The following STON2 variants were observed in gnomAD, a reference collection of about 807,000 sequenced individuals.
STON2 encodes the protein stonin 2, also known as stonin-2.
In STON2, 29 loss-of-function variants were observed where a neutral mutation model predicts 65.7. That is an observed-to-expected ratio of 0.44 (90% CI 0.33 to 0.60). The LOEUF (loss-of-function observed/expected upper bound fraction) is 0.60, where lower values mean the gene tolerates loss of function less well. Ranked by LOEUF, STON2 falls within the 20% of genes least tolerant of loss-of-function variation. The pLI is 0.03. For synonymous variants in STON2, 404 were observed against 414.2 expected (o/e 0.98, Z 0.30); for missense variants, 1,054 against 1,118.1 (o/e 0.94, Z 0.82).
rs968996397 is a variant in STON2 at position 81,261,751 on chromosome 14, A to G, written c.*6663T>C. 21 of 1,486,010 alleles carry G rather than the reference A, an allele frequency of 1.4e-5. No individual in the cohort carries two copies. Among genetic ancestry groups the G allele is most frequent in the Admixed American group, 2.5e-5 (1 of 39,758 alleles). The allele number at this position is 1,486,010 out of a possible 1,614,324, so 92.1% of individuals were successfully genotyped here. ...AGGTAGCACCCAAATCCTAACATCTATTTTGGAGACCTGTCTGTGCCTCTT... is the reference window on the plus strand; with the variant it reads ...AGGTAGCACCCAAATCCTAACATCTGTTTTGGAGACCTGTCTGTGCCTCTT... On this transcript the variant is annotated 3_prime_UTR_variant, in exon 8 of 8. Coordinates refer to ENST00000614646, the MANE Select transcript of STON2 (RefSeq NM_001394390.1).
At chr14:81,292,628 G>C (rs1374885304) in intron 5 of STON2, among the ~76,000 whole-genome samples, 1 of 152,122 alleles carries the variant, frequency 6.6e-6, no homozygotes. Flanking sequence ...CATCATGTTT[G>C]TAAGTTTCCT....
At chr14:81,356,735 G>C (rs879631829) in intron 4 of STON2, among the ~76,000 whole-genome samples, 3 of 152,018 alleles carry the variant, frequency 2.0e-5, no homozygotes, top group Non-Finnish European at 2.9e-5. Context: ...GTTTAGTCTT[G>C]GGAGAGTGTA....
chr14:81,402,723 C>T (rs974939859), upstream of STON2, among the ~76,000 whole-genome samples: 2 of 152,132 alleles, frequency 1.3e-5, no homozygotes, highest in Non-Finnish European at 2.9e-5. Context: ...AATCCCACTG[C>T]CAATGCCTTG....
chr14:81,340,304 CAG>C (rs759672113), intron 4 of STON2, among the ~76,000 whole-genome samples: 1 of 151,980 alleles, frequency 6.6e-6, no homozygotes. Flanking sequence ...GGGTGGGGGA[CAG>C]AGAGAGAGGA....
chr14:81,278,329 T>C lies in STON2; in HGVS notation c.1153A>G (p.Ile385Val), dbSNP rs766526502. 98 of 1,614,152 alleles carry C rather than the reference T, an allele frequency of 6.1e-5. 1 individual carries two copies. The East Asian group carries it at 2.0e-3, about 32-fold the overall frequency. Residue 385 changes from isoleucine to valine, a missense_variant, in exon 6 of 8, where the codon ATC becomes GTC. Ile to Val is a conservative substitution (Grantham distance 29). Coordinates refer to ENST00000614646, the MANE Select transcript of STON2 (RefSeq NM_001394390.1). ...ETLQDVQPSPINPFSAFFEEQ... is the reference protein window; with the variant it reads ...ETLQDVQPSPVNPFSAFFEEQ... Reference sequence around the variant, plus strand: ...TCAAAGAAAGCACTGAAAGGGTTGATAGGGGAGGGCTGTACATCCTGCAGA... The same window carrying C: ...TCAAAGAAAGCACTGAAAGGGTTGACAGGGGAGGGCTGTACATCCTGCAGA...
intron 4 of STON2, among the ~76,000 whole-genome samples, chr14:81,353,892 A>G (rs1281068225): frequency 6.6e-6 from 1 of 152,208 alleles, no homozygotes; most frequent in Non-Finnish European, 1.5e-5. Flanking sequence ...AGCTAACAGC[A>G]TAGCCCACGG....
In STON2 at chr14:81,267,271, T is replaced by C; in HGVS notation, c.*1143A>G. ...TCTGACTCTTGGAATCAGAATATAA[T>C]GTTCCCAACATTAGAAAAATATGGC... On this transcript the variant is annotated 3_prime_UTR_variant, in exon 8 of 8. Transcript: ENST00000614646. 2 of 985,408 alleles carry C rather than the reference T, an allele frequency of 2.0e-6. No homozygotes were observed. Among genetic ancestry groups the C allele is most frequent in the Non-Finnish European group, 2.4e-6 (2 of 829,928 alleles). The allele number at this position is 985,408 out of a possible 1,614,324, so 61.0% of individuals were successfully genotyped here.
At chr14:81,357,655 T>C (rs1165716351) in intron 4 of STON2, among the ~76,000 whole-genome samples, 2 of 152,076 alleles carry the variant, frequency 1.3e-5, no homozygotes, top group Non-Finnish European at 2.9e-5. Flanking sequence ...CCAACAGTGA[T>C]AGACTGGATT....
chr14:81,309,069 T>C (rs961020540), intron 5 of STON2, among the ~76,000 whole-genome samples: 2 of 127,858 alleles, frequency 1.6e-5, no homozygotes, highest in African/African-American at 6.0e-5. Context: ...AGAATGGAAA[T>C]AGGTTGTCAA....
chr14:81,357,906 GA>G (rs1028389922), intron 4 of STON2, among the ~76,000 whole-genome samples: 1 of 110,006 alleles, frequency 9.1e-6, no homozygotes, highest in Non-Finnish European at 1.8e-5. Context: ...GGGGAGGGGG[GA>G]GGGATAGCAT....
rs1198963793 is a variant in STON2, at chr14:81,263,996, T to C, written c.*4418A>G. ...ATAAATGCAAAGTAACGGTCAGCGG[T>C]TAGTGCTGGAAGAACAAAGACCTAC... On this transcript the variant is annotated 3_prime_UTR_variant, in exon 8 of 8. Coordinates refer to ENST00000614646, the MANE Select transcript of STON2 (RefSeq NM_001394390.1). 2 of 985,304 alleles carry C rather than the reference T, an allele frequency of 2.0e-6. No individual in the cohort carries two copies. The highest frequency in any genetic ancestry group is 2.4e-6 in the Non-Finnish European group (2 of 829,938). The allele number at this position is 985,304 out of a possible 1,614,324, so 61.0% of individuals were successfully genotyped here. A position where few individuals can be genotyped will look rare whatever the true frequency, so the allele number is the denominator to read the frequency against.
At chr14:81,323,435 T>G in intron 5 of STON2, 1 of 141,776 alleles carries the variant, frequency 7.1e-6, no homozygotes, top group African/African-American at 3.1e-5. Flanking sequence ...CACAGACTTT[T>G]TTCTTCCCAT....
intron 5 of STON2, among the ~76,000 whole-genome samples, chr14:81,292,406 C>A (rs887167093): frequency 6.6e-6 from 1 of 152,266 alleles, no homozygotes; most frequent in East Asian, 1.9e-4. Context: ...CCATCCAAAT[C>A]TCATCTTGAC....
intron 5 of STON2, among the ~76,000 whole-genome samples, chr14:81,283,383 CA>C (rs1895200762): frequency 6.6e-6 from 1 of 152,112 alleles, no homozygotes; most frequent in African/African-American, 2.4e-5. Flanking sequence ...ACCATATTGA[CA>C]AATGTTCACT....
At chr14:81,421,117 G>A (rs1279293621) in intron 2 of STON2, among the ~76,000 whole-genome samples, 2 of 152,122 alleles carry the variant, frequency 1.3e-5, no homozygotes, top group Admixed American at 6.5e-5. Context: ...GCACTGAGAC[G>A]GTATGAGGAT....
upstream of STON2, among the ~76,000 whole-genome samples, chr14:81,403,386 T>A (rs1248371429): frequency 1.3e-5 from 2 of 152,198 alleles, no homozygotes; most frequent in Non-Finnish European, 2.9e-5. Flanking sequence ...GCATGCTCAT[T>A]GTCTTTTGCC....
chr14:81,361,237 C>T (rs7146666), intron 4 of STON2, among the ~76,000 whole-genome samples: 59,607 of 151,710 alleles, frequency 0.39, 11,986 homozygotes, highest in South Asian at 0.58. Context: ...GGTATCACAC[C>T]ATATTACTTG....
intron 5 of STON2, among the ~76,000 whole-genome samples, chr14:81,308,792 A>ATGTGTGTGTG (rs1896287528): frequency 1.2e-4 from 2 of 16,990 alleles, no homozygotes; most frequent in East Asian, 2.7e-3. Flanking sequence ...ATATATATAT[A>ATGTGTGTGTG]TATATATATA....
At chr14:81,368,773 T>C (rs1298818667) in intron 4 of STON2, among the ~76,000 whole-genome samples, 1 of 152,196 alleles carries the variant, frequency 6.6e-6, no homozygotes, top group African/African-American at 2.4e-5. Flanking sequence ...ACCCTCCTTG[T>C]AGCCATAGAA....
Sources: gnomAD v4.1 joint callset for allele counts (sites outside exome capture counted in the v4.1 genomes callset) on GRCh38, gnomAD v4.1.1 for gene constraint, MANE v1.5 for transcripts, NCBI Gene and HGNC (gene_info 2026-07-23, HGNC 2026-07-21) for gene names.